DAPK1: variants seen among roughly 807,000 people sequenced by gnomAD.
The protein encoded by DAPK1 is death associated protein kinase 1.
DAPK1 carries 56 observed loss-of-function variants against 144.9 expected under a neutral mutation model. That is an observed-to-expected ratio of 0.39 (90% CI 0.31 to 0.48). DAPK1 has a LOEUF of 0.48. Ranked by LOEUF, DAPK1 falls within the 20% of genes least tolerant of loss-of-function variation. The pLI is 0.95. For missense variants in DAPK1, 1,454 were observed against 1,875.4 expected (o/e 0.78, Z 4.15); for synonymous variants, 690 against 749.0 (o/e 0.92, Z 1.29).
At chr9:87,625,325 A>G (rs375406883) in intron 3 of DAPK1, among the ~76,000 whole-genome samples, 2 of 152,230 alleles carry the variant, frequency 1.3e-5, no homozygotes, top group African/African-American at 4.8e-5. Context: ...CTGTAAGTCT[A>G]TGGTGTGCTG....
At chr9:87,607,621 T>G (rs1828776178) in intron 3 of DAPK1, among the ~76,000 whole-genome samples, 1 of 152,218 alleles carries the variant, frequency 6.6e-6, no homozygotes, top group Non-Finnish European at 1.5e-5. Context: ...ATTTTATTTA[T>G]AATACAGCAA....
chr9:87,627,768 G>A (rs1024776980), intron 3 of DAPK1, among the ~76,000 whole-genome samples: 1 of 152,180 alleles, frequency 6.6e-6, no homozygotes, highest in Non-Finnish European at 1.5e-5. Flanking sequence ...TCCCATGCCT[G>A]TAAACCTAGG....
chr9:87,558,793 C>T (rs968191115), intron 2 of DAPK1, among the ~76,000 whole-genome samples: 7 of 152,192 alleles, frequency 4.6e-5, no homozygotes, highest in Non-Finnish European at 1.0e-4. Flanking sequence ...GCTGCATCTA[C>T]CCATTTGGGC....
intron 18 of DAPK1, among the ~76,000 whole-genome samples, chr9:87,663,935 C>T (rs1247035626): frequency 1.3e-5 from 2 of 152,080 alleles, no homozygotes; most frequent in African/African-American, 4.8e-5. Flanking sequence ...AAGTCTCCTC[C>T]CACTTCTCCA....
intron 2 of DAPK1, among the ~76,000 whole-genome samples, chr9:87,580,022 G>A (rs1482520605): frequency 6.6e-6 from 1 of 152,120 alleles, no homozygotes; most frequent in Non-Finnish European, 1.5e-5. Flanking sequence ...AGAGAATGCT[G>A]TTTTCATTGA....
intron 2 of DAPK1, among the ~76,000 whole-genome samples, chr9:87,552,514 A>G (rs1037438172): frequency 1.3e-5 from 2 of 152,154 alleles, no homozygotes; most frequent in Non-Finnish European, 2.9e-5. Flanking sequence ...CAGTTGTGGC[A>G]TCTCTTTTTA....
At chr9:87,690,104 A>G (rs1280184874) in intron 21 of DAPK1, among the ~76,000 whole-genome samples, 1 of 152,128 alleles carries the variant, frequency 6.6e-6, no homozygotes, top group African/African-American at 2.4e-5. Context: ...TAGTATGAGC[A>G]TTTTCACAAT....
intron 19 of DAPK1, among the ~76,000 whole-genome samples, chr9:87,676,964 G>A (rs538819950): frequency 2.0e-5 from 3 of 152,186 alleles, no homozygotes; most frequent in Non-Finnish European, 4.4e-5. Flanking sequence ...TGTCACCTTG[G>A]GCAAGTGCCT....
At chr9:87,677,394 T>C (rs954099650) in intron 19 of DAPK1, among the ~76,000 whole-genome samples, 8 of 152,270 alleles carry the variant, frequency 5.3e-5, no homozygotes, top group African/African-American at 1.9e-4. Context: ...TCGAGTCTCC[T>C]GAGAGTGGAA....
chr9:87,692,926 C>T (rs866487333), intron 21 of DAPK1, among the ~76,000 whole-genome samples: 4 of 121,514 alleles, frequency 3.3e-5, no homozygotes, highest in East Asian at 2.7e-4. Flanking sequence ...GTGAGTCTGA[C>T]GGGCGTTCCC....
intron 1 of DAPK1, among the ~76,000 whole-genome samples, 173 bp from the exon 2 acceptor site, chr9:87,498,797 G>C (rs1376663956): frequency 3.3e-5 from 5 of 152,110 alleles, no homozygotes; most frequent in Admixed American, 2.6e-4. Flanking sequence ...CTGAGGGGTC[G>C]GGGGCGTCCC....
chr9:87,632,220 G>T, intron 3 of DAPK1: 1 of 971,382 alleles, frequency 1.0e-6, no homozygotes, highest in Non-Finnish European at 1.2e-6. Flanking sequence ...TATATGTAGG[G>T]ATAAAGGAGG....
At chr9:87,593,379 A>G (rs1007022315) in intron 2 of DAPK1, among the ~76,000 whole-genome samples, 2 of 152,376 alleles carry the variant, frequency 1.3e-5, no homozygotes, top group Admixed American at 6.5e-5. Context: ...GGCAAATAGT[A>G]TCTTGACTTA....
rs892377557 is a variant in DAPK1, at chr9:87,508,748, C to T, written c.62+9609C>T. ...TGTAGAGAAAGTCATCAATGCCATT[C>T]TTTTTTTTCCCCATTCATGAAAATG... is the stretch of plus-strand genomic sequence containing the variant. On this transcript the variant is annotated intron_variant, in intron 2 of 25. Transcript: ENST00000408954. 6.6e-5 allele frequency among the ~76,000 whole-genome samples: 10 copies of T among 151,846 alleles called. No homozygotes were observed. In the South Asian group the frequency reaches 1.0e-3, roughly 16 times the overall value.
At chr9:87,583,406 C>G (rs796349147) in intron 2 of DAPK1, among the ~76,000 whole-genome samples, 1 of 152,196 alleles carries the variant, frequency 6.6e-6, no homozygotes, top group South Asian at 2.1e-4. Context: ...ACTCTACCCT[C>G]AAATGCGTAC....
At chr9:87,601,304 G>C (rs1193511986) in intron 2 of DAPK1, among the ~76,000 whole-genome samples, 1 of 152,216 alleles carries the variant, frequency 6.6e-6, no homozygotes, top group East Asian at 1.9e-4. Context: ...ACACACAAAG[G>C]CTCCCAGAGG....
chr9:87,538,758 T>C (rs567582766), intron 2 of DAPK1, among the ~76,000 whole-genome samples: 56 of 152,264 alleles, frequency 3.7e-4, no homozygotes, highest in Non-Finnish European at 7.1e-4. Context: ...ACATTAAATG[T>C]TACTTGTAAC....
At chr9:87,608,586 G>A (rs970737319) in intron 3 of DAPK1, among the ~76,000 whole-genome samples, 1 of 152,206 alleles carries the variant, frequency 6.6e-6, no homozygotes, top group Non-Finnish European at 1.5e-5. Flanking sequence ...CCGTTTTACA[G>A]TCCCTGCAGC....
At chr9:87,601,638 G>A (rs1587756767) in intron 2 of DAPK1, among the ~76,000 whole-genome samples, 2 of 152,076 alleles carry the variant, frequency 1.3e-5, no homozygotes, top group South Asian at 2.1e-4. Flanking sequence ...TCCAGTTGTC[G>A]CAGATTAATA....
Sources: allele counts gnomAD v4.1 joint callset (sites outside exome capture counted in the v4.1 genomes callset), GRCh38; gene constraint gnomAD v4.1.1; transcripts MANE v1.5; gene names NCBI Gene and HGNC (gene_info 2026-07-23, HGNC 2026-07-21).